SENP1: variants seen among roughly 807,000 people sequenced by gnomAD.
SENP1 encodes the protein SUMO specific peptidase 1, also known as sentrin-specific protease 1.
Under a neutral mutation model 93.0 loss-of-function variants are expected in SENP1, and 21 were observed. The observed-to-expected ratio is 0.23, with a 90% CI of 0.16 to 0.33. The LOEUF is 0.33. SENP1 is among the 10% of genes least tolerant of loss of function. The pLI, the probability that SENP1 is intolerant of heterozygous loss-of-function variation, is 1.00. For missense variants in SENP1, 591 were observed against 758.7 expected, an observed-to-expected ratio of 0.78 and a Z score of 2.60; for synonymous variants, 256 against 259.6, an observed-to-expected ratio of 0.99 and a Z score of 0.13.
rs572485350 is a variant in SENP1 at position 48,087,405 on chromosome 12, A to AAAT, written c.380+1393_380+1395dup. Among the ~76,000 whole-genome samples the AAAT allele has an allele frequency of 3.4e-3, 515 of 152,338 alleles. 2 individuals carry two copies. Among genetic ancestry groups the AAAT allele is most frequent in the Middle Eastern group, 0.017 (5 of 294 alleles). The stretch of plus-strand genomic sequence containing the variant: ...CTACTTCTGTAATAACATTTTTTTA[A>AAAT]AATAACAGCATGGCTTTATTGCATT... On this transcript the variant is annotated intron_variant, in intron 5 of 17. Coordinates refer to ENST00000549518, the MANE Select transcript of SENP1 (RefSeq NM_001267594.2).
At chr12:48,070,572 C>A (rs1943619109) in intron 9 of SENP1, among the ~76,000 whole-genome samples, 1 of 152,120 alleles carries the variant, frequency 6.6e-6, no homozygotes, top group South Asian at 2.1e-4. Flanking sequence ...AATATTTATA[C>A]TAGTACCTGG....
At chr12:48,056,397 T>C (rs1360903224) in intron 13 of SENP1, among the ~76,000 whole-genome samples, 2 of 110,692 alleles carry the variant, frequency 1.8e-5, no homozygotes, top group Non-Finnish European at 3.4e-5. Context: ...TAGTACATAT[T>C]ACATATATAA....
At chr12:48,078,750 T>C (rs780820517) in intron 6 of SENP1, among the ~76,000 whole-genome samples, 1 of 152,224 alleles carries the variant, frequency 6.6e-6, no homozygotes, top group Non-Finnish European at 1.5e-5. Context: ...TTTGCCAAAA[T>C]GAAAGTTACC....
At chr12:48,065,333 T>C (rs1943226662) in intron 11 of SENP1, 113 bp from the exon 12 acceptor site, 2 of 867,884 alleles carry the variant, frequency 2.3e-6, no homozygotes, top group African/African-American at 3.4e-5. Context: ...CGTGCTTAAA[T>C]GCCCATTGCT....
In SENP1 at chr12:48,105,529, G is replaced by A. The variant is rs962453976; in HGVS notation, c.-45+499C>T. 34 of 513,296 alleles carry A rather than the reference G, an allele frequency of 6.6e-5. 3 individuals carry two copies. The highest frequency in any genetic ancestry group is 3.2e-4 in the Middle Eastern group (1 of 3,108). 31.8% of individuals were successfully genotyped at this position (513,296 alleles called of 1,614,324 possible). ...TATCACATCTCAGGGAGATACCACA[G>A]AGTAGGAGAGTTGGAGAAATGTTTA... On this transcript the variant is annotated intron_variant, in intron 1 of 17. Coordinates refer to ENST00000549518, the MANE Select transcript of SENP1 (RefSeq NM_001267594.2).
intron 6 of SENP1, among the ~76,000 whole-genome samples, chr12:48,078,150 G>C (rs1944228603): frequency 6.6e-6 from 1 of 151,086 alleles, no homozygotes; most frequent in African/African-American, 2.4e-5. Context: ...GGTTAAATTT[G>C]ATTGGTTTTT....
rs1945054355 is a variant in SENP1, at chr12:48,088,863, G to A, written c.318C>T (p.Ser106=). ...TGTTTCTTGATTTTTGTAAAGATGA[G>A]CTTGACGATGGGGTAGAATTTCTCC... ...GQWRNSTPSS[S]SSLQKSRNSR... Residue 106 remains serine, a synonymous_variant, in exon 5 of 18, where the codon AGC becomes AGT. Coordinates refer to ENST00000549518, the MANE Select transcript of SENP1 (RefSeq NM_001267594.2). 3 of 1,606,452 alleles carry A rather than the reference G, an allele frequency of 1.9e-6. No individual in the cohort carries two copies. Among genetic ancestry groups the A allele is most frequent in the African/African-American group, 2.7e-5 (2 of 74,838 alleles).
At chr12:48,099,892 C>T (rs1175849884) in intron 2 of SENP1, among the ~76,000 whole-genome samples, 2 of 152,114 alleles carry the variant, frequency 1.3e-5, no homozygotes, top group African/African-American at 2.4e-5. Context: ...AGCTCAATAA[C>T]TATAATATTA....
Position 48,047,021 on chromosome 12 carries a change from T to A in SENP1, c.1733A>T (p.Glu578Val). 3 of 1,613,064 alleles carry A rather than the reference T, an allele frequency of 1.9e-6. No individual in the cohort carries two copies. Among genetic ancestry groups the A allele is most frequent in the Non-Finnish European group, 2.5e-6 (3 of 1,179,194 alleles). Residue 578 changes from glutamate (E) to valine (V), a missense_variant, in exon 16 of 18, where the codon GAG (glutamate) becomes GTG (valine). Transcript: ENST00000549518. ...AAGCTGCCAGCCATTGGTGTCAAAC[T>A]CTTTCCTTTTCTTGTCAATGCTTTC... ...KQESIDKKRK[E>V]FDTNGWQLFS...
chr12:48,085,070 G>A (rs962259234), intron 5 of SENP1: 3 of 1,308,570 alleles, frequency 2.3e-6, no homozygotes, highest in Non-Finnish European at 3.2e-6. Context: ...GGATGGCGGG[G>A]AGAAGGAAGC....
Position 48,065,605 on chromosome 12 carries a change from A to C in SENP1, c.1110T>G (p.Leu370=), listed in dbSNP as rs1943245465. Reference sequence around the variant, plus strand: ...CAATTTTCTTTTTTACCTGGTTTTGAAGCTGTAAGGCCAATGCCTTCTGTT... The same window carrying C: ...CAATTTTCTTTTTTACCTGGTTTTGCAGCTGTAAGGCCAATGCCTTCTGTT... The part of the protein sequence containing the change: ...IEEQKALALQ[L]QNQRLQEREH... The change falls in exon 11 of 18, where the codon CTT becomes CTG. Residue 370 remains leucine, a synonymous_variant. Coordinates refer to ENST00000549518, the MANE Select transcript of SENP1 (RefSeq NM_001267594.2). The C allele has an allele frequency of 6.4e-7, 1 of 1,551,946 alleles. No individual in the cohort carries two copies.
intron 14 of SENP1, 119 bp downstream of exon 14, chr12:48,048,810 T>C (rs773480485): frequency 2.8e-6 from 2 of 707,430 alleles, no homozygotes; most frequent in Non-Finnish European, 4.8e-6. Flanking sequence ...GTCAACCTAC[T>C]ACTAAACACT....
chr12:48,090,207 T>C (rs1436339236), intron 4 of SENP1, among the ~76,000 whole-genome samples: 1 of 152,240 alleles, frequency 6.6e-6, no homozygotes, highest in East Asian at 1.9e-4. Context: ...ATGATGCTAA[T>C]GAAAATGAGT....
intron 3 of SENP1, 41 bp downstream of exon 3, chr12:48,097,953 C>A: frequency 6.3e-7 from 1 of 1,579,542 alleles, no homozygotes; most frequent in Non-Finnish European, 8.6e-7. Flanking sequence ...TATGATGAGC[C>A]CAAATAATTA....
At chr12:48,095,649 G>A (rs60209369) in intron 4 of SENP1, among the ~76,000 whole-genome samples, 18,522 of 151,930 alleles carry the variant, frequency 0.12, 1,468 homozygotes, top group African/African-American at 0.22. Flanking sequence ...AAAGACCTGG[G>A]AAGACTACTG....
rs925840128 is a variant in SENP1, at chr12:48,057,219, TA to T, written c.1407+6490del. Among the ~76,000 whole-genome samples, 275 of 140,784 alleles carry T rather than the reference TA, an allele frequency of 2.0e-3. 10 individuals carry two copies. Among genetic ancestry groups the T allele is most frequent in the African/African-American group, 6.7e-3 (259 of 38,404 alleles). 92.4% of individuals were successfully genotyped at this position (140,784 alleles called of 152,430 possible). A position where few individuals can be genotyped will look rare whatever the true frequency, so the allele number is the denominator to read the frequency against. Reference sequence around the variant, plus strand: ...TTACATATATATTATTTATTATATATAAAAAATACATTATATATATATTTTT... The same window carrying T: ...TTACATATATATTATTTATTATATATAAAAATACATTATATATATATTTTT... On this transcript the variant is annotated intron_variant, in intron 13 of 17. Coordinates refer to ENST00000549518, the MANE Select transcript of SENP1 (RefSeq NM_001267594.2).
intron 13 of SENP1, among the ~76,000 whole-genome samples, chr12:48,057,155 A>T (rs1229107553): frequency 9.6e-6 from 1 of 104,532 alleles, no homozygotes; most frequent in Non-Finnish European, 1.8e-5. Context: ...AATATATTAT[A>T]TATTACATAT....
chr12:48,095,713 T>C lies in SENP1; in HGVS notation c.220+630A>G, dbSNP rs1448236790. On this transcript the variant is annotated intron_variant, in intron 4 of 17. Transcript: ENST00000549518. ...GCTAACCAACAAAACTCTTAGTTTC[T>C]CAAGGCAGGGGCAGAAGACCCTTGG... Among the ~76,000 whole-genome samples, 7 of 152,132 alleles carry C rather than the reference T, an allele frequency of 4.6e-5. No homozygotes were observed. The South Asian group carries it at 1.2e-3, about 27-fold the overall frequency.
At position 48,056,322 on chromosome 12, in the gene SENP1, ATATAAATATTATTTAATATAT is replaced by A. The variant is rs1565743267; in HGVS notation, c.1408-7211_1408-7191del. On this transcript the variant is annotated intron_variant, in intron 13 of 17. Transcript: ENST00000549518. ...TTATTTAATATATTACATATCACAT[ATATAAATATTATTTAATATAT>A]TACATATAATATATTATTTAATATA... Among the ~76,000 whole-genome samples the A allele has an allele frequency of 1.6e-3, 131 of 79,728 alleles. 1 individual carries two copies. Among genetic ancestry groups the A allele is most frequent in the Non-Finnish European group, 2.5e-3 (120 of 47,090 alleles). 52.3% of individuals were successfully genotyped at this position (79,728 alleles called of 152,430 possible).
Sources: allele counts gnomAD v4.1 joint callset (sites outside exome capture counted in the v4.1 genomes callset), GRCh38; gene constraint gnomAD v4.1.1; transcripts MANE v1.5; gene names NCBI Gene and HGNC (gene_info 2026-07-23, HGNC 2026-07-21).